Variants in STXBP4 observed in about 807,000 individuals in gnomAD.
The protein encoded by STXBP4 is syntaxin-binding protein 4.
Under a neutral mutation model 76.1 loss-of-function variants are expected in STXBP4, and 55 were observed. The observed-to-expected ratio is 0.72, with a 90% CI of 0.58 to 0.91. STXBP4 has a LOEUF of 0.91. STXBP4 is among the 40% of genes least tolerant of loss of function. The pLI, the probability that STXBP4 is intolerant of heterozygous loss-of-function variation, is 0.00. For synonymous variants in STXBP4, 201 were observed against 220.2 expected, an observed-to-expected ratio of 0.91 and a Z score of 0.77; for missense variants, 618 against 636.9, an observed-to-expected ratio of 0.97 and a Z score of 0.32.
At chr17:54,974,799 A>C (rs1026076392) in intron 1 of STXBP4, among the ~76,000 whole-genome samples, 1 of 151,950 alleles carries the variant, frequency 6.6e-6, no homozygotes, top group Non-Finnish European at 1.5e-5. Context: ...GGGCTACCCC[A>C]TAGGCACTCT....
chr17:54,968,937 C>T (rs12937360), intron 1 of STXBP4, 122 bp downstream of exon 1: 135,374 of 347,380 alleles, frequency 0.39, 28,348 homozygotes, highest in East Asian at 0.59. Context: ...CTTGGGGTTG[C>T]GCCTGTGATC....
the STXBP4 span, among the ~76,000 whole-genome samples, chr17:55,184,873 A>T: frequency 6.6e-6 from 1 of 151,904 alleles, no homozygotes; most frequent in East Asian, 1.9e-4. Context: ...TGTATGAAAG[A>T]TTGTTTGTTT....
intron 12 of STXBP4, among the ~76,000 whole-genome samples, chr17:55,053,050 A>T (rs896189905): frequency 6.6e-6 from 1 of 151,858 alleles, no homozygotes; most frequent in Non-Finnish European, 1.5e-5. Context: ...TGAAAACTAA[A>T]TACAGCATCT....
chr17:55,152,594 C>T (rs1450376747), intron 17 of STXBP4, among the ~76,000 whole-genome samples: 1 of 152,112 alleles, frequency 6.6e-6, no homozygotes, highest in East Asian at 1.9e-4. Flanking sequence ...CTTCACAAGG[C>T]AGCAGGAGTG....
At position 55,113,617 on chromosome 17, in the gene STXBP4, T is replaced by C. The variant is rs979695263; in HGVS notation, c.1490-27693T>C. Among the ~76,000 whole-genome samples, 8 of 152,258 alleles carry C rather than the reference T, an allele frequency of 5.3e-5. No individual in the cohort carries two copies. The South Asian group carries it at 6.2e-4, about 12-fold the overall frequency. ...TTAGTTAGGCCAGCAATATTTTTAT[T>C]TTATTTTCTGCTGATATAAAAAAAA... On this transcript the variant is annotated intron_variant, in intron 16 of 17. Transcript: ENST00000376352.
At chr17:55,071,280 T>C (rs969449807) in intron 12 of STXBP4, among the ~76,000 whole-genome samples, 2 of 152,154 alleles carry the variant, frequency 1.3e-5, no homozygotes, top group Non-Finnish European at 2.9e-5. Flanking sequence ...ACAAATTCTC[T>C]TAGCCTCTGC....
At chr17:55,204,986 T>G in the STXBP4 span, among the ~76,000 whole-genome samples, 1 of 152,188 alleles carries the variant, frequency 6.6e-6, no homozygotes, top group Non-Finnish European at 1.5e-5. Context: ...ATTATATATA[T>G]GTTGTCCACC....
chr17:55,208,476 C>T, the STXBP4 span, among the ~76,000 whole-genome samples: 2 of 150,158 alleles, frequency 1.3e-5, no homozygotes, highest in African/African-American at 2.5e-5. Flanking sequence ...ATAGGTACAA[C>T]GTGAAAAATC....
At chr17:55,049,414 A>G (rs1269247337) in intron 12 of STXBP4, among the ~76,000 whole-genome samples, 2 of 152,016 alleles carry the variant, frequency 1.3e-5, no homozygotes, top group African/African-American at 2.4e-5. Context: ...AAGTCAAAAG[A>G]TGCAAATTTT....
chr17:55,066,309 C>T (rs1327106142), intron 12 of STXBP4, among the ~76,000 whole-genome samples: 1 of 151,952 alleles, frequency 6.6e-6, no homozygotes, highest in African/African-American at 2.4e-5. Context: ...GTGCAACCTC[C>T]ACCTCTCAAA....
At chr17:55,063,904 C>G (rs2144833479) in intron 12 of STXBP4, among the ~76,000 whole-genome samples, 1 of 152,198 alleles carries the variant, frequency 6.6e-6, no homozygotes, top group South Asian at 2.1e-4. Context: ...TTTTGCATTT[C>G]TTAATGTTAG....
chr17:55,084,858 A>G (rs2079303880), intron 16 of STXBP4, among the ~76,000 whole-genome samples: 1 of 152,160 alleles, frequency 6.6e-6, no homozygotes, highest in Non-Finnish European at 1.5e-5. Context: ...TTTTGGTACC[A>G]GTATATAACC....
chr17:54,992,590 T>A (rs2077735329), intron 4 of STXBP4, among the ~76,000 whole-genome samples: 1 of 151,826 alleles, frequency 6.6e-6, no homozygotes, highest in Non-Finnish European at 1.5e-5. Flanking sequence ...CTGAGAGGTG[T>A]GTGTGAGTGT....
intron 8 of STXBP4, among the ~76,000 whole-genome samples, chr17:55,008,558 C>T (rs990255004): frequency 3.9e-5 from 6 of 151,998 alleles, no homozygotes; most frequent in African/African-American, 1.5e-4. Flanking sequence ...ACATGAGAAC[C>T]TTCAGAAATG....
chr17:55,020,535 C>T (rs1246223413), intron 8 of STXBP4, among the ~76,000 whole-genome samples: 1 of 151,916 alleles, frequency 6.6e-6, no homozygotes, highest in Admixed American at 6.6e-5. Flanking sequence ...ATTATACTTT[C>T]GGCCGGGCGT....
rs920459301 is a variant in STXBP4, at chr17:55,036,364, TTA to T, written c.855+2111_855+2112del. On this transcript the variant is annotated intron_variant, in intron 10 of 17. Coordinates refer to ENST00000376352, the MANE Select transcript of STXBP4 (RefSeq NM_178509.6). ...ATATCTTCTTTGATGTCAATATATC[TTA>T]TATATTTTTAATTAATTATATTTTA... Among the ~76,000 whole-genome samples the T allele has an allele frequency of 2.9e-4, 44 of 150,726 alleles. 1 individual carries two copies. Among genetic ancestry groups the T allele is most frequent in the Middle Eastern group, 6.9e-3 (2 of 290 alleles).
In STXBP4 at chr17:55,118,960, A is replaced by AT. The variant is rs58689777; in HGVS notation, c.1490-22350_1490-22349insT. Among the ~76,000 whole-genome samples, 24 of 149,504 alleles carry AT rather than the reference A, an allele frequency of 1.6e-4. 1 individual carries two copies. Among genetic ancestry groups the AT allele is most frequent in the Middle Eastern group, 3.6e-3 (1 of 280 alleles). The stretch of plus-strand genomic sequence containing the variant: ...AACTGATTTATATATATATATATAT[A>AT]AATATTTTATTATACTTTAAGTTCT... On this transcript the variant is annotated intron_variant, in intron 16 of 17. Coordinates refer to ENST00000376352, the MANE Select transcript of STXBP4 (RefSeq NM_178509.6).
chr17:55,037,470 T>C (rs1034463865), intron 10 of STXBP4, among the ~76,000 whole-genome samples: 14 of 150,396 alleles, frequency 9.3e-5, no homozygotes, highest in African/African-American at 3.4e-4. Flanking sequence ...AATGTGTTTA[T>C]AGTTTGGAAG....
Position 55,166,134 on chromosome 17 carries a change from A to C in STXBP4, c.*6223A>C, listed in dbSNP as rs949601926. 1 of 152,208 alleles carries C rather than the reference A, an allele frequency of 6.6e-6. No homozygotes were observed. Among genetic ancestry groups the C allele is most frequent in the Non-Finnish European group, 1.5e-5 (1 of 68,044 alleles). 9.4% of individuals were successfully genotyped at this position (152,208 alleles called of 1,614,324 possible). ...TTCTTTGTAGAGAGTGCTCCATTAAAGTAACACTTTTGTCCTGTCTCTGCT... is the reference window on the plus strand; with the variant it reads ...TTCTTTGTAGAGAGTGCTCCATTAACGTAACACTTTTGTCCTGTCTCTGCT... On this transcript the variant is annotated 3_prime_UTR_variant, in exon 18 of 18. Transcript: ENST00000376352.
Sources: gnomAD v4.1 joint callset for allele counts (sites outside exome capture counted in the v4.1 genomes callset) on GRCh38, gnomAD v4.1.1 for gene constraint, MANE v1.5 for transcripts, NCBI Gene and HGNC (gene_info 2026-07-23, HGNC 2026-07-21) for gene names.